DOCK9: variants seen among roughly 807,000 people sequenced by gnomAD.
DOCK9 encodes the protein dedicator of cytokinesis 9, also known as dedicator of cytokinesis protein 9.
Under a neutral mutation model 263.3 loss-of-function variants are expected in DOCK9, and 89 were observed. That is an observed-to-expected ratio of 0.34 (90% CI 0.28 to 0.40). The LOEUF is 0.40. Among genes scored for constraint, DOCK9 ranks in the 10% least tolerant of loss-of-function variants. The pLI is 1.00. For missense variants in DOCK9, 2,140 were observed against 2,603.4 expected (o/e 0.82, Z 3.87); for synonymous variants, 976 against 973.1 (o/e 1.00, Z -0.06).
At chr13:99,018,067 AAGAG>A (rs547089195) in intron 1 of DOCK9, among the ~76,000 whole-genome samples, 2 of 152,258 alleles carry the variant, frequency 1.3e-5, no homozygotes, top group African/African-American at 2.4e-5. Flanking sequence ...AAAAAACAAT[AAGAG>A]AGAATGAAAC....
chr13:99,007,898 T>A (rs1278338494), intron 1 of DOCK9, among the ~76,000 whole-genome samples: 1 of 152,170 alleles, frequency 6.6e-6, no homozygotes, highest in Non-Finnish European at 1.5e-5. Flanking sequence ...CTCCAAATAA[T>A]CTTTCTGGAG....
chr13:99,011,668 TATGAGG>T (rs1770463717), intron 1 of DOCK9, among the ~76,000 whole-genome samples: 1 of 152,220 alleles, frequency 6.6e-6, no homozygotes. Flanking sequence ...TTAATAGCCC[TATGAGG>T]CAAGTACCAT....
intron 1 of DOCK9, among the ~76,000 whole-genome samples, chr13:98,991,365 C>T (rs549059500): frequency 5.0e-4 from 76 of 152,216 alleles, no homozygotes; most frequent in South Asian, 4.1e-3. Flanking sequence ...CCACCGCACT[C>T]GGCCGCAAAC....
chr13:98,928,138 T>C (rs920614666), intron 3 of DOCK9, among the ~76,000 whole-genome samples: 9 of 152,016 alleles, frequency 5.9e-5, no homozygotes, highest in African/African-American at 2.2e-4. Flanking sequence ...AGCACAGAAT[T>C]AGGCAAGCAA....
At chr13:99,069,196 A>T (rs1185937889) in intron 1 of DOCK9, among the ~76,000 whole-genome samples, 6 of 152,228 alleles carry the variant, frequency 3.9e-5, no homozygotes, top group Non-Finnish European at 8.8e-5. Flanking sequence ...AAACTGTGAT[A>T]TTCTGTCCCT....
intron 1 of DOCK9, among the ~76,000 whole-genome samples, chr13:99,028,020 A>AAG (rs1274219875): frequency 2.0e-5 from 3 of 152,230 alleles, no homozygotes; most frequent in Non-Finnish European, 4.4e-5. Flanking sequence ...CCAAAGTAAG[A>AAG]AGACATTGGT....
intron 1 of DOCK9, among the ~76,000 whole-genome samples, chr13:99,074,964 A>G (rs2041850282): frequency 6.6e-6 from 1 of 152,210 alleles, no homozygotes. Context: ...GTGGCTATGA[A>G]ATCATTACAG....
intron 41 of DOCK9, among the ~76,000 whole-genome samples, chr13:98,830,899 T>C (rs777941519): frequency 2.6e-5 from 4 of 152,172 alleles, no homozygotes; most frequent in Non-Finnish European, 2.9e-5. Flanking sequence ...AAAGAGAGTT[T>C]ACAAAAATAC....
intron 45 of DOCK9, among the ~76,000 whole-genome samples, chr13:98,815,054 T>TG (rs2091720838): frequency 6.6e-6 from 1 of 152,194 alleles, no homozygotes; most frequent in South Asian, 2.1e-4. Flanking sequence ...TCATACACAC[T>TG]GGGTAGTCCA....
Position 98,880,687 on chromosome 13 carries a change from G to A in DOCK9, c.2746-15C>T, listed in dbSNP as rs748459886. On this transcript the variant is annotated splice_polypyrimidine_tract_variant and intron_variant, in intron 25 of 52. Transcript: ENST00000682017. The stretch of plus-strand genomic sequence containing the variant: ...TTATACGCGTACTTTGAAGAAAAGA[G>A]AAAGAGACTTTAATGCACTGGCTCT... 6.2e-7 allele frequency: 1 copy of A among 1,611,928 alleles called. No homozygotes were observed.
chr13:98,995,442 C>T (rs1880777507), intron 1 of DOCK9, among the ~76,000 whole-genome samples: 1 of 150,264 alleles, frequency 6.7e-6, no homozygotes, highest in Non-Finnish European at 1.5e-5. Context: ...GTAGAGGATG[C>T]GTAACTAGTC....
At chr13:98,944,142 A>G (rs1361541183) in intron 2 of DOCK9, among the ~76,000 whole-genome samples, 1 of 152,202 alleles carries the variant, frequency 6.6e-6, no homozygotes, top group East Asian at 1.9e-4. Flanking sequence ...GAAAAGAAGA[A>G]TGTGACCTCT....
Position 98,867,539 on chromosome 13 carries a change from G to A in DOCK9, c.3175-3C>T, listed in dbSNP as rs1437496272. 1.3e-6 allele frequency: 2 copies of A among 1,567,088 alleles called. No individual in the cohort carries two copies. On this transcript the variant is annotated splice_region_variant and splice_polypyrimidine_tract_variant and intron_variant, in intron 29 of 52. Coordinates refer to ENST00000682017, the MANE Select transcript of DOCK9 (RefSeq NM_001366683.2). ...TCAAACTTGTATTCAAAGAGGGTCTGCAGGAAGAAGTGTGTAGTCATAAAT... is the reference window on the plus strand; with the variant it reads ...TCAAACTTGTATTCAAAGAGGGTCTACAGGAAGAAGTGTGTAGTCATAAAT...
At chr13:99,000,387 T>A (rs1595873526) in intron 1 of DOCK9, among the ~76,000 whole-genome samples, 1 of 152,330 alleles carries the variant, frequency 6.6e-6, no homozygotes, top group East Asian at 1.9e-4. Context: ...GCTGATGTTT[T>A]CAGCTCCTTT....
intron 46 of DOCK9, 109 bp from the exon 47 acceptor site, chr13:98,809,574 TACAC>T: frequency 1.2e-6 from 1 of 845,472 alleles, no homozygotes. Context: ...TGAATAAAAA[TACAC>T]ACACACACAT....
intron 27 of DOCK9, 110 bp from the exon 28 acceptor site, chr13:98,868,487 G>C: frequency 3.1e-6 from 4 of 1,277,482 alleles, no homozygotes; most frequent in Non-Finnish European, 4.2e-6. Flanking sequence ...TTTCTAGCTG[G>C]GTGCTGTGGC....
intron 30 of DOCK9, among the ~76,000 whole-genome samples, chr13:98,865,026 A>T (rs540557260): frequency 1.5e-4 from 23 of 152,226 alleles, no homozygotes; most frequent in Admixed American, 1.4e-3. Context: ...TTCTTGTACA[A>T]ACTGCAAAAC....
chr13:98,826,452 C>A (rs538160158), intron 44 of DOCK9, among the ~76,000 whole-genome samples: 1 of 152,334 alleles, frequency 6.6e-6, no homozygotes, highest in Admixed American at 6.5e-5. Flanking sequence ...GGCTGCGTTG[C>A]AGAAATGCTG....
At chr13:98,967,539 T>G (rs1291283546) in intron 1 of DOCK9, among the ~76,000 whole-genome samples, 1 of 152,234 alleles carries the variant, frequency 6.6e-6, no homozygotes, top group African/African-American at 2.4e-5. Context: ...CCATCACACA[T>G]GAACAGTACG....
Sources: gnomAD v4.1 joint callset for allele counts (sites outside exome capture counted in the v4.1 genomes callset) on GRCh38, gnomAD v4.1.1 for gene constraint, MANE v1.5 for transcripts, NCBI Gene and HGNC (gene_info 2026-07-23, HGNC 2026-07-21) for gene names.